The following NIPAL1 variants were observed in gnomAD, a reference collection of about 807,000 sequenced individuals.
NIPAL1 encodes the protein magnesium transporter NIPA3.
In NIPAL1, 35 loss-of-function variants were observed where a neutral mutation model predicts 37.7. The observed-to-expected ratio is 0.93, with a 90% CI of 0.71 to 1.23. The LOEUF is 1.23. Among genes scored for constraint, NIPAL1 ranks in the 50% most tolerant of loss-of-function variants. NIPAL1 has a pLI of 0.00. For missense variants in NIPAL1, 412 were observed against 473.9 expected (o/e 0.87, Z 1.21); for synonymous variants, 162 against 183.0 (o/e 0.89, Z 0.93).
At chr4:48,032,033 C>T (rs1403998743) in intron 3 of NIPAL1, among the ~76,000 whole-genome samples, 1 of 152,160 alleles carries the variant, frequency 6.6e-6, no homozygotes, top group Non-Finnish European at 1.5e-5. Context: ...GTCACCATGC[C>T]CGGCCTTGCC....
chr4:48,021,136 C>T (rs1350812558), intron 1 of NIPAL1, among the ~76,000 whole-genome samples: 1 of 152,128 alleles, frequency 6.6e-6, no homozygotes, highest in Non-Finnish European at 1.5e-5. Context: ...AGTTACATAA[C>T]TTTGGCCAGT....
chr4:48,026,720 ATTTTT>A (rs67279375), intron 2 of NIPAL1, among the ~76,000 whole-genome samples: 1 of 142,270 alleles, frequency 7.0e-6, no homozygotes, highest in Non-Finnish European at 1.6e-5. Flanking sequence ...TAAAAATAAA[ATTTTT>A]TTTTTTTTTT....
In NIPAL1 at chr4:48,037,635, A is replaced by C. The variant is rs919222042; in HGVS notation, c.*1463A>C. The C allele has an allele frequency of 6.5e-6, 1 of 154,444 alleles. No individual in the cohort carries two copies. The allele number at this position is 154,444 out of a possible 1,614,324, so 9.6% of individuals were successfully genotyped here. A position where few individuals can be genotyped will look rare whatever the true frequency, so the allele number is the denominator to read the frequency against. Reference sequence around the variant, plus strand: ...CTTATTAAGGAAATTATAATTAGTTACTAACCTTTAAAAATAGATATATTC... The same window carrying C: ...CTTATTAAGGAAATTATAATTAGTTCCTAACCTTTAAAAATAGATATATTC... On this transcript the variant is annotated 3_prime_UTR_variant, in exon 6 of 6. Transcript: ENST00000295461.
intron 2 of NIPAL1, among the ~76,000 whole-genome samples, chr4:48,028,136 A>G (rs1715732674): frequency 6.6e-6 from 1 of 152,202 alleles, no homozygotes; most frequent in African/African-American, 2.4e-5. Context: ...ATCCTAAGCA[A>G]AAAGAACAAA....
At position 48,036,246 on chromosome 4, in the gene NIPAL1, A is replaced by G; in HGVS notation, c.*74A>G. On this transcript the variant is annotated 3_prime_UTR_variant, in exon 6 of 6. Coordinates refer to ENST00000295461, the MANE Select transcript of NIPAL1 (RefSeq NM_207330.3). The stretch of plus-strand genomic sequence containing the variant: ...AAAATGAATGCTTGCTTCTTGGAAG[A>G]ACTGCTAGGAAAGTTAGCATTTTTG... 7.2e-7 allele frequency: 1 copy of G among 1,390,376 alleles called. No homozygotes were observed. The highest frequency in any genetic ancestry group is 9.7e-7 in the Non-Finnish European group (1 of 1,026,344). 86.1% of individuals were successfully genotyped at this position (1,390,376 alleles called of 1,614,324 possible).
chr4:48,018,657 A>T, intron 1 of NIPAL1, among the ~76,000 whole-genome samples: 1 of 152,090 alleles, frequency 6.6e-6, no homozygotes, highest in East Asian at 1.9e-4. Context: ...CAAAGACTCA[A>T]TTTTTCACTT....
At chr4:48,030,727 A>T (rs1254624389) in intron 3 of NIPAL1, among the ~76,000 whole-genome samples, 1 of 152,210 alleles carries the variant, frequency 6.6e-6, no homozygotes, top group Non-Finnish European at 1.5e-5. Context: ...CTAAATGCTA[A>T]TGTGATGTCC....
At chr4:48,017,852 G>A (rs144688750) in intron 1 of NIPAL1, among the ~76,000 whole-genome samples, 120 of 115,584 alleles carry the variant, frequency 1.0e-3, no homozygotes, top group Middle Eastern at 4.3e-3. Context: ...TATATATATA[G>A]TTCCCTTACA....
chr4:48,036,099 TA>T lies in NIPAL1; in HGVS notation c.1161del (p.Leu387PhefsTer2), dbSNP rs1293794280. On this transcript the variant is annotated frameshift_variant, in exon 6 of 6. Coordinates refer to ENST00000295461, the MANE Select transcript of NIPAL1 (RefSeq NM_207330.3). LOFTEE classifies it high-confidence loss of function. ...AATGTCAATGAAAACAATTATGTTT[TA>T]CTAGAGAACTTGGAGTGTTCAGCCC... ...SLNVNENNYVLLENLECSAPG... is the reference protein window; with the variant it reads ...SLNVNENNYVXLENLECSAPG... 2 of 1,610,770 alleles carry T rather than the reference TA, an allele frequency of 1.2e-6. No individual in the cohort carries two copies. The highest frequency in any genetic ancestry group is 2.2e-5 in the South Asian group (2 of 90,426).
At chr4:48,032,674 C>T (rs1008768063) in intron 3 of NIPAL1, among the ~76,000 whole-genome samples, 3 of 152,194 alleles carry the variant, frequency 2.0e-5, no homozygotes, top group Non-Finnish European at 2.9e-5. Flanking sequence ...AAAGCTACCT[C>T]TACTAGATTT....
intron 4 of NIPAL1, among the ~76,000 whole-genome samples, chr4:48,034,091 G>A (rs1715874740): frequency 6.6e-6 from 1 of 152,208 alleles, no homozygotes; most frequent in Non-Finnish European, 1.5e-5. Context: ...AGCATTAGAG[G>A]AAGGAGGCTG....
Position 48,039,825 on chromosome 4 carries a change from T to A in NIPAL1, c.*3653T>A, listed in dbSNP as rs1164022840. The A allele has an allele frequency of 6.6e-6, 1 of 152,252 alleles. No homozygotes were observed. Among genetic ancestry groups the A allele is most frequent in the Admixed American group, 6.5e-5 (1 of 15,278 alleles). 9.4% of individuals were successfully genotyped at this position (152,252 alleles called of 1,614,324 possible). The stretch of plus-strand genomic sequence containing the variant: ...GTCACTAGAGACTTAAAAGGACCAT[T>A]GAGTGCCTATTTTTATACATTCATC... On this transcript the variant is annotated 3_prime_UTR_variant, in exon 6 of 6. Coordinates refer to ENST00000295461, the MANE Select transcript of NIPAL1 (RefSeq NM_207330.3).
chr4:48,023,731 T>C (rs1339195741), intron 1 of NIPAL1, among the ~76,000 whole-genome samples: 1 of 152,162 alleles, frequency 6.6e-6, no homozygotes, highest in Non-Finnish European at 1.5e-5. Flanking sequence ...CCAAGACATT[T>C]ATAATAGTGG....
At chr4:48,035,254 G>A (rs939145953) in intron 5 of NIPAL1, among the ~76,000 whole-genome samples, 1 of 152,196 alleles carries the variant, frequency 6.6e-6, no homozygotes, top group Admixed American at 6.5e-5. Flanking sequence ...GAAAGGGAGA[G>A]GTGGGGATGG....
chr4:48,018,160 T>G (rs1715488843), intron 1 of NIPAL1, among the ~76,000 whole-genome samples: 3 of 152,112 alleles, frequency 2.0e-5, no homozygotes, highest in Admixed American at 2.0e-4. Flanking sequence ...AAAACAAAAA[T>G]TTTAAGGCAG....
chr4:48,022,168 C>A (rs557071986), intron 1 of NIPAL1, among the ~76,000 whole-genome samples: 85 of 152,176 alleles, frequency 5.6e-4, no homozygotes, highest in African/African-American at 1.9e-3. Flanking sequence ...GTCTTTGATT[C>A]CTTTAAAACA....
At position 48,039,950 on chromosome 4, in the gene NIPAL1, ATT is replaced by A. The variant is rs2109376333; in HGVS notation, c.*3782_*3783del. 2 of 152,284 alleles carry A rather than the reference ATT, an allele frequency of 1.3e-5. 1 individual carries two copies. The highest frequency in any genetic ancestry group is 4.1e-4 in the South Asian group (2 of 4,834). 9.4% of individuals were successfully genotyped at this position (152,284 alleles called of 1,614,324 possible). On this transcript the variant is annotated 3_prime_UTR_variant, in exon 6 of 6. Coordinates refer to ENST00000295461, the MANE Select transcript of NIPAL1 (RefSeq NM_207330.3). ...AATACAAAATTATTCCAATAAAAATATTTTTCTTAATAAAACCAGAAAAACTG... is the reference window on the plus strand; with the variant it reads ...AATACAAAATTATTCCAATAAAAATATTTCTTAATAAAACCAGAAAAACTG...
chr4:48,035,888 A>G lies in NIPAL1; in HGVS notation c.949A>G (p.Met317Val). The change falls in exon 6 of 6, where the codon ATG (methionine) becomes GTG (valine). Residue 317 changes from methionine to valine, a missense_variant. Physicochemically the swap from Met to Val is conservative, Grantham distance 21 (BLOSUM62 1). Transcript: ENST00000295461. ...TPIYYVFFTSMVVTCSAILFQ... is the reference protein window; with the variant it reads ...TPIYYVFFTSVVVTCSAILFQ... ...CATTTATTATGTATTCTTCACATCC[A>G]TGGTAGTGACTTGCTCTGCCATCTT... The G allele has an allele frequency of 6.2e-7, 1 of 1,614,000 alleles. No individual in the cohort carries two copies. The highest frequency in any genetic ancestry group is 8.5e-7 in the Non-Finnish European group (1 of 1,179,916).
rs1716034469 is a variant in NIPAL1, at chr4:48,039,538, CA to C, written c.*3367del. On this transcript the variant is annotated 3_prime_UTR_variant, in exon 6 of 6. Coordinates refer to ENST00000295461, the MANE Select transcript of NIPAL1 (RefSeq NM_207330.3). Reference sequence around the variant, plus strand: ...TAAGGATTACAAAGTTGTGCTCACACAGGACAAATGGAAAGATTTTCCTACT... The same window carrying C: ...TAAGGATTACAAAGTTGTGCTCACACGGACAAATGGAAAGATTTTCCTACT... The C allele has an allele frequency of 6.6e-6, 1 of 152,176 alleles. No individual in the cohort carries two copies. Among genetic ancestry groups the C allele is most frequent in the African/African-American group, 2.4e-5 (1 of 41,440 alleles). The allele number at this position is 152,176 out of a possible 1,614,324, so 9.4% of individuals were successfully genotyped here.
Sources: allele counts gnomAD v4.1 joint callset (sites outside exome capture counted in the v4.1 genomes callset), GRCh38; gene constraint gnomAD v4.1.1; transcripts MANE v1.5; gene names NCBI Gene and HGNC (gene_info 2026-07-23, HGNC 2026-07-21).